VAV3: variants seen among roughly 807,000 people sequenced by gnomAD.
VAV3 encodes the protein vav guanine nucleotide exchange factor 3.
Under a neutral mutation model 131.2 loss-of-function variants are expected in VAV3, and 94 were observed. The observed-to-expected ratio is 0.72, with a 90% CI of 0.61 to 0.85. VAV3 has a LOEUF of 0.85. VAV3 is among the 40% of genes least tolerant of loss of function. The pLI, the probability that VAV3 is intolerant of heterozygous loss-of-function variation, is 0.00. For synonymous variants in VAV3, 349 were observed against 342.0 expected (o/e 1.02, Z -0.22); for missense variants, 939 against 1,002.7 (o/e 0.94, Z 0.86).
chr1:107,856,914 C>T (rs1669498231), intron 2 of VAV3, among the ~76,000 whole-genome samples: 1 of 152,046 alleles, frequency 6.6e-6, no homozygotes, highest in South Asian at 2.1e-4. Flanking sequence ...TTGTGTGTGC[C>T]TATAGTCCTA....
At chr1:107,858,472 A>G (rs964124696) in intron 2 of VAV3, among the ~76,000 whole-genome samples, 5 of 152,154 alleles carry the variant, frequency 3.3e-5, no homozygotes, top group African/African-American at 1.2e-4. Flanking sequence ...CAACCCCCAG[A>G]CCAGTACCAG....
intron 1 of VAV3, among the ~76,000 whole-genome samples, chr1:107,953,560 T>C (rs1674656241): frequency 6.6e-6 from 1 of 152,200 alleles, no homozygotes; most frequent in Admixed American, 6.5e-5. Flanking sequence ...CTATTTAGTA[T>C]ATTATTGCAC....
intron 1 of VAV3, among the ~76,000 whole-genome samples, chr1:107,925,124 G>A (rs1473615355): frequency 1.3e-5 from 2 of 152,146 alleles, no homozygotes; most frequent in Admixed American, 6.5e-5. Context: ...ACACAAAAGA[G>A]TGCATTATGT....
chr1:107,908,810 G>A (rs866192611), intron 1 of VAV3, among the ~76,000 whole-genome samples: 1 of 121,936 alleles, frequency 8.2e-6, no homozygotes, highest in African/African-American at 3.2e-5. Flanking sequence ...CAACACCCCC[G>A]CCCCACTCAA....
At chr1:107,641,897 A>C (rs954775999) in intron 20 of VAV3, among the ~76,000 whole-genome samples, 8 of 152,162 alleles carry the variant, frequency 5.3e-5, no homozygotes, top group African/African-American at 1.9e-4. Context: ...TAGTGTTCCA[A>C]TTTTTGTTGC....
chr1:107,759,430 A>G (rs1037573854), intron 10 of VAV3, among the ~76,000 whole-genome samples: 1 of 152,210 alleles, frequency 6.6e-6, no homozygotes, highest in African/African-American at 2.4e-5. Flanking sequence ...CAAATCATCA[A>G]GCATTTCAAG....
chr1:107,819,036 G>T (rs898263045), intron 2 of VAV3, among the ~76,000 whole-genome samples: 7 of 152,008 alleles, frequency 4.6e-5, no homozygotes, highest in Non-Finnish European at 1.0e-4. Flanking sequence ...AAATATTAGT[G>T]ATCCCTGTTT....
At chr1:107,705,679 C>G (rs1415189714) in intron 15 of VAV3, among the ~76,000 whole-genome samples, 1 of 152,116 alleles carries the variant, frequency 6.6e-6, no homozygotes, top group African/African-American at 2.4e-5. Context: ...TTGCACACCA[C>G]AAACTAATAT....
chr1:107,616,153 T>C lies in VAV3; in HGVS notation c.1980+1414A>G, dbSNP rs559943478. On this transcript the variant is annotated intron_variant, in intron 21 of 26. Coordinates refer to ENST00000370056, the MANE Select transcript of VAV3 (RefSeq NM_006113.5). ...CTACAAATAAAGGTATGCATGCTTATGTTCATCCCAGCAATATTCACAAAC... is the reference window on the plus strand; with the variant it reads ...CTACAAATAAAGGTATGCATGCTTACGTTCATCCCAGCAATATTCACAAAC... Among the ~76,000 whole-genome samples the C allele has an allele frequency of 2.0e-5, 3 of 152,320 alleles. No homozygotes were observed. The South Asian group carries it at 6.2e-4, about 32-fold the overall frequency.
chr1:107,933,500 T>C (rs904481999), intron 1 of VAV3, among the ~76,000 whole-genome samples: 3 of 152,134 alleles, frequency 2.0e-5, no homozygotes, highest in Admixed American at 2.0e-4. Flanking sequence ...CATCTACCCA[T>C]TTCCTGCAAT....
chr1:107,843,094 G>A (rs1668800688), intron 2 of VAV3, among the ~76,000 whole-genome samples: 1 of 151,990 alleles, frequency 6.6e-6, no homozygotes, highest in African/African-American at 2.4e-5. Context: ...TAGTTTGGCT[G>A]TTCCAATTTA....
intron 1 of VAV3, among the ~76,000 whole-genome samples, chr1:107,902,480 C>T (rs1327465890): frequency 6.6e-6 from 1 of 152,010 alleles, no homozygotes; most frequent in Admixed American, 6.6e-5. Context: ...GGTACCATCC[C>T]CTGTTTTCTG....
intron 19 of VAV3, among the ~76,000 whole-genome samples, chr1:107,676,072 T>C (rs1434137654): frequency 6.6e-6 from 1 of 152,224 alleles, no homozygotes; most frequent in Non-Finnish European, 1.5e-5. Flanking sequence ...GGATGAAAAC[T>C]GTCTGAAACT....
intron 19 of VAV3, among the ~76,000 whole-genome samples, chr1:107,665,120 T>C (rs1201385308): frequency 2.6e-5 from 4 of 152,126 alleles, no homozygotes; most frequent in African/African-American, 9.7e-5. Context: ...ATTCTTCTGA[T>C]AGTCTGGAGG....
chr1:107,936,201 A>C (rs1284258253), intron 1 of VAV3, among the ~76,000 whole-genome samples: 1 of 152,198 alleles, frequency 6.6e-6, no homozygotes, highest in Non-Finnish European at 1.5e-5. Flanking sequence ...GTACTTGGAA[A>C]ATAAATCTGA....
At chr1:107,785,523 T>C in intron 2 of VAV3, 1 of 1,292,136 alleles carries the variant, frequency 7.7e-7, no homozygotes, top group Non-Finnish European at 1.0e-6. Context: ...CAAGACGAGC[T>C]TGGGGGTTCA....
chr1:107,797,417 T>C (rs530519055), intron 2 of VAV3, among the ~76,000 whole-genome samples: 2 of 152,310 alleles, frequency 1.3e-5, no homozygotes, highest in East Asian at 3.9e-4. Context: ...ATGTAATCCC[T>C]TTCCTTAGGG....
At chr1:107,658,533 CA>C (rs1447478280) in intron 19 of VAV3, among the ~76,000 whole-genome samples, 2 of 152,056 alleles carry the variant, frequency 1.3e-5, no homozygotes, top group African/African-American at 4.8e-5. Context: ...CACTGACTTC[CA>C]CAATGGTTGA....
intron 1 of VAV3, among the ~76,000 whole-genome samples, chr1:107,922,659 A>G (rs1463135015): frequency 2.0e-5 from 3 of 152,230 alleles, no homozygotes; most frequent in Non-Finnish European, 4.4e-5. Flanking sequence ...CACATATTAA[A>G]GAGCACAATT....
Sources: gnomAD v4.1 joint callset for allele counts (sites outside exome capture counted in the v4.1 genomes callset) on GRCh38, gnomAD v4.1.1 for gene constraint, MANE v1.5 for transcripts, NCBI Gene and HGNC (gene_info 2026-07-23, HGNC 2026-07-21) for gene names.